Variants in MYRIP observed in about 807,000 individuals in gnomAD.
MYRIP encodes the protein rab effector MyRIP.
In MYRIP, 49 loss-of-function variants were observed where a neutral mutation model predicts 98.0. The ratio of observed to expected loss-of-function variants is 0.50; its 90% CI spans 0.40 to 0.63. The LOEUF (loss-of-function observed/expected upper bound fraction) is 0.63, where lower values mean the gene tolerates loss of function less well. Ranked by LOEUF, MYRIP falls within the 30% of genes least tolerant of loss-of-function variation. The probability of loss-of-function intolerance (pLI) is 0.00; values close to 1 mark genes in which losing one functional copy is unlikely to be tolerated. For synonymous variants in MYRIP, 404 were observed against 409.5 expected (o/e 0.99, Z 0.16); for missense variants, 1,004 against 1,058.2 (o/e 0.95, Z 0.71).
At chr3:40,157,458 T>C (rs2125583281) in intron 4 of MYRIP, among the ~76,000 whole-genome samples, 1 of 150,786 alleles carries the variant, frequency 6.6e-6, no homozygotes, top group African/African-American at 2.4e-5. Context: ...AAAATTCTCT[T>C]TTTTGGTTGC....
chr3:40,256,397 G>A (rs1007298705), intron 16 of MYRIP, among the ~76,000 whole-genome samples: 5 of 151,828 alleles, frequency 3.3e-5, no homozygotes, highest in Admixed American at 6.6e-5. Context: ...ACTACACTGC[G>A]TCAAATTTAT....
intron 16 of MYRIP, among the ~76,000 whole-genome samples, chr3:40,253,736 C>A (rs540916152): frequency 2.6e-5 from 4 of 152,292 alleles, no homozygotes; most frequent in South Asian, 2.1e-4. Context: ...TCAGGACATC[C>A]TAACAGTGTA....
chr3:40,173,220 T>C (rs116790339), intron 8 of MYRIP: 1 of 152,344 alleles, frequency 6.6e-6, no homozygotes, highest in Non-Finnish European at 1.5e-5. Flanking sequence ...GCACCCTGCA[T>C]TATCCCCATT....
chr3:40,221,309 A>C (rs1485630953), intron 11 of MYRIP, among the ~76,000 whole-genome samples: 4 of 152,176 alleles, frequency 2.6e-5, no homozygotes, highest in Non-Finnish European at 5.9e-5. Context: ...AAATTAAATT[A>C]ATGAGATGCC....
At chr3:39,897,668 A>C (rs866831543) in intron 1 of MYRIP, among the ~76,000 whole-genome samples, 3 of 152,254 alleles carry the variant, frequency 2.0e-5, no homozygotes, top group South Asian at 2.1e-4. Context: ...AGCCTTCTCC[A>C]GCTCTAGGAT....
intron 2 of MYRIP, among the ~76,000 whole-genome samples, chr3:40,001,130 T>A (rs1946510601): frequency 2.6e-5 from 4 of 152,234 alleles, no homozygotes; most frequent in Admixed American, 2.6e-4. Flanking sequence ...ACTATCCTAA[T>A]GCTTCATGGA....
At chr3:39,850,758 A>C (rs1942107066) in intron 1 of MYRIP, among the ~76,000 whole-genome samples, 1 of 152,200 alleles carries the variant, frequency 6.6e-6, no homozygotes, top group South Asian at 2.1e-4. Context: ...AAATGTAGCC[A>C]GCTGCCAGCT....
At chr3:39,814,584 A>G (rs887968854) in intron 1 of MYRIP, among the ~76,000 whole-genome samples, 1 of 152,162 alleles carries the variant, frequency 6.6e-6, no homozygotes, top group Non-Finnish European at 1.5e-5. Flanking sequence ...TTTTGTTGCC[A>G]TCTCTGACAT....
rs541396392 is a variant in MYRIP, at chr3:40,161,685, A to G, written c.470-1045A>G. ...CCCCTCCTCGACTGCATTTTCCTCCACTCATTGTCCTGCCATCCTCTTTCT... is the reference window on the plus strand; with the variant it reads ...CCCCTCCTCGACTGCATTTTCCTCCGCTCATTGTCCTGCCATCCTCTTTCT... On this transcript the variant is annotated intron_variant, in intron 4 of 16. Transcript: ENST00000302541. Among the ~76,000 whole-genome samples, 538 of 151,778 alleles carry G rather than the reference A, an allele frequency of 3.5e-3. 1 individual carries two copies. Among genetic ancestry groups the G allele is most frequent in the African/African-American group, 0.011 (458 of 41,338 alleles).
intron 3 of MYRIP, among the ~76,000 whole-genome samples, chr3:40,147,315 T>C (rs942807520): frequency 2.3e-4 from 35 of 152,174 alleles, no homozygotes; most frequent in African/African-American, 7.2e-4. Flanking sequence ...TTGACTCCAT[T>C]CTGCAAGATG....
At chr3:40,042,303 A>AC (rs954606798) in intron 2 of MYRIP, among the ~76,000 whole-genome samples, 10 of 151,410 alleles carry the variant, frequency 6.6e-5, no homozygotes, top group African/African-American at 2.4e-4. Flanking sequence ...AAAAAAAAAA[A>AC]AAAAAAGAGA....
intron 3 of MYRIP, among the ~76,000 whole-genome samples, chr3:40,148,679 C>T (rs1245597672): frequency 6.6e-6 from 1 of 152,192 alleles, no homozygotes; most frequent in African/African-American, 2.4e-5. Flanking sequence ...GTTTAAATTA[C>T]TTTCAATATC....
chr3:40,017,548 T>C (rs1946890987), intron 2 of MYRIP, among the ~76,000 whole-genome samples: 1 of 152,160 alleles, frequency 6.6e-6, no homozygotes, highest in African/African-American at 2.4e-5. Context: ...TCTCTGTTTG[T>C]TTTGCTTGAA....
At chr3:39,811,480 T>C (rs1189461921) in intron 1 of MYRIP, among the ~76,000 whole-genome samples, 1 of 152,176 alleles carries the variant, frequency 6.6e-6, no homozygotes, top group African/African-American at 2.4e-5. Flanking sequence ...GATTTCAAAA[T>C]CTTTTTAGAG....
chr3:39,813,657 T>C (rs1940776590), intron 1 of MYRIP, among the ~76,000 whole-genome samples: 1 of 151,728 alleles, frequency 6.6e-6, no homozygotes, highest in African/African-American at 2.4e-5. Flanking sequence ...TGGAGGGGAG[T>C]CTTATATATA....
intron 1 of MYRIP, among the ~76,000 whole-genome samples, chr3:39,813,825 C>A (rs747823856): frequency 6.6e-6 from 1 of 152,334 alleles, no homozygotes; most frequent in Non-Finnish European, 1.5e-5. Context: ...AATGCTGGGA[C>A]TCAGCGTGCC....
At chr3:40,148,718 C>T (rs1382155341) in intron 3 of MYRIP, among the ~76,000 whole-genome samples, 5 of 152,104 alleles carry the variant, frequency 3.3e-5, no homozygotes, top group South Asian at 2.1e-4. Flanking sequence ...CCCTTTGTTA[C>T]TTGTTGTTAG....
chr3:40,008,710 G>A (rs929907049), intron 2 of MYRIP, among the ~76,000 whole-genome samples: 13 of 152,148 alleles, frequency 8.5e-5, no homozygotes, highest in Admixed American at 3.9e-4. Context: ...ATGGCCACTC[G>A]ACCTCAGGAA....
intron 3 of MYRIP, among the ~76,000 whole-genome samples, chr3:40,115,064 T>C (rs1399148739): frequency 2.0e-5 from 3 of 152,186 alleles, no homozygotes; most frequent in Non-Finnish European, 4.4e-5. Context: ...GTATTTCTGA[T>C]ATGAAATATC....
Sources: gnomAD v4.1 joint callset for allele counts (sites outside exome capture counted in the v4.1 genomes callset) on GRCh38, gnomAD v4.1.1 for gene constraint, MANE v1.5 for transcripts, NCBI Gene and HGNC (gene_info 2026-07-23, HGNC 2026-07-21) for gene names.